SORBS3: variants seen among roughly 807,000 people sequenced by gnomAD.
SORBS3 encodes the protein vinexin.
In SORBS3, 69 loss-of-function variants were observed where a neutral mutation model predicts 98.0. The observed-to-expected ratio is 0.70, with a 90% CI of 0.58 to 0.86. SORBS3 has a LOEUF of 0.86. Ranked by LOEUF, SORBS3 falls within the 40% of genes least tolerant of loss-of-function variation. The probability of loss-of-function intolerance (pLI) is 0.00; values close to 1 mark genes in which losing one functional copy is unlikely to be tolerated. For missense variants in SORBS3, 954 were observed against 908.5 expected, an observed-to-expected ratio of 1.05 and a Z score of -0.64; for synonymous variants, 394 against 355.4, an observed-to-expected ratio of 1.11 and a Z score of -1.22.
intron 5 of SORBS3, among the ~76,000 whole-genome samples, chr8:22,558,952 A>T (rs1840240170): frequency 6.6e-6 from 1 of 152,344 alleles, no homozygotes; most frequent in Non-Finnish European, 1.5e-5. Flanking sequence ...GCCTGGAGCG[A>T]GGAGCATGTG....
At position 22,574,687 on chromosome 8, in the gene SORBS3, A is replaced by G; in HGVS notation, c.1975A>G (p.Lys659Glu). ...WFVGVSRRTQKFGTFPGNYVA... is the reference protein window; with the variant it reads ...WFVGVSRRTQEFGTFPGNYVA... ...TTCAGGTGTCTCCCGGAGGACCCAG[A>G]AATTCGGAACGTTCCCTGGAAATTA... Residue 659 changes from lysine to glutamate, a missense_variant, in exon 21 of 21, where the codon AAA (lysine) becomes GAA (glutamate). By Grantham distance (56) the Lys-to-Glu change is moderately conservative. Transcript: ENST00000240123. The G allele has an allele frequency of 6.2e-7, 1 of 1,611,962 alleles. No homozygotes were observed. Among genetic ancestry groups the G allele is most frequent in the South Asian group, 1.1e-5 (1 of 91,034 alleles).
At chr8:22,571,254 C>T (rs199697003) in intron 18 of SORBS3, 33 bp downstream of exon 18, 160 of 1,331,352 alleles carry the variant, frequency 1.2e-4, no homozygotes, top group East Asian at 3.0e-4. Flanking sequence ...GAGAGTCGAC[C>T]TCCTCCTCAC....
At chr8:22,565,641 G>A in intron 11 of SORBS3, 185 bp from the exon 12 acceptor site, 2 of 1,157,850 alleles carry the variant, frequency 1.7e-6, no homozygotes, top group African/African-American at 1.6e-5. Context: ...CCCAGCCTCG[G>A]GGACCCCCGC....
intron 20 of SORBS3, among the ~76,000 whole-genome samples, chr8:22,574,396 G>T (rs1479431454): frequency 1.0e-5 from 1 of 95,456 alleles, no homozygotes; most frequent in South Asian, 3.6e-4. Context: ...TTGCGGAGGA[G>T]GGGGGGAGTG....
At chr8:22,566,002 T>C in intron 12 of SORBS3, 130 bp downstream of exon 12, 1 of 645,602 alleles carries the variant, frequency 1.5e-6, no homozygotes, top group Non-Finnish European at 2.2e-6. Context: ...CGCAGAGCCG[T>C]GTCCGGGAGG....
At chr8:22,565,655 T>A in intron 11 of SORBS3, 171 bp from the exon 12 acceptor site, 1 of 1,145,918 alleles carries the variant, frequency 8.7e-7, no homozygotes, top group Non-Finnish European at 1.1e-6. Context: ...CCCCCGCCCC[T>A]TCCCCTAGTT....
At position 22,569,185 on chromosome 8, in the gene SORBS3, C is replaced by T. The variant is rs753823342; in HGVS notation, c.1343C>T (p.Pro448Leu). ...PADEIPKPIKPPTYQVLEYGE... is the reference protein window; with the variant it reads ...PADEIPKPIKLPTYQVLEYGE... Reference sequence around the variant, plus strand: ...GATGAGATCCCTAAGCCCATCAAGCCCCCGACCTACCAGGTGCTGGAGTAT... The same window carrying T: ...GATGAGATCCCTAAGCCCATCAAGCTCCCGACCTACCAGGTGCTGGAGTAT... Residue 448 changes from proline to leucine, a missense_variant, in exon 17 of 21, where the codon CCC (proline) becomes CTC (leucine). Transcript: ENST00000240123. 5 of 1,611,246 alleles carry T rather than the reference C, an allele frequency of 3.1e-6. No homozygotes were observed. Among genetic ancestry groups the T allele is most frequent in the Admixed American group, 1.7e-5 (1 of 59,682 alleles).
At chr8:22,563,300 A>G (rs1452406978) in intron 7 of SORBS3, among the ~76,000 whole-genome samples, 2 of 152,296 alleles carry the variant, frequency 1.3e-5, no homozygotes, top group African/African-American at 4.8e-5. Flanking sequence ...GAAACTTTCA[A>G]ACAGAGGCTG....
At chr8:22,565,907 T>C (rs1840403414) in intron 12 of SORBS3, 35 bp downstream of exon 12, 8 of 1,217,938 alleles carry the variant, frequency 6.6e-6, no homozygotes, top group South Asian at 3.3e-5. Flanking sequence ...AAGGGGGCTG[T>C]CCCAGGCCGG....
intron 11 of SORBS3, 112 bp from the exon 12 acceptor site, chr8:22,565,714 G>A (rs1021936557): frequency 3.2e-6 from 4 of 1,231,872 alleles, no homozygotes; most frequent in East Asian, 6.8e-5. Context: ...AGGACCCCGC[G>A]TCCCGCCCGC....
In SORBS3 at chr8:22,561,899, C is replaced by G. The variant is rs1220130655; in HGVS notation, c.552C>G (p.Ala184=). 6.2e-7 allele frequency: 1 copy of G among 1,614,040 alleles called. No individual in the cohort carries two copies. Among genetic ancestry groups the G allele is most frequent in the African/African-American group, 1.3e-5 (1 of 74,942 alleles). The stretch of plus-strand genomic sequence containing the variant: ...ATCTAGGAGCCCAGCAAAGACCTGC[C>G]CACAGGCCCGGCCCGGCAACATCTT... The part of the protein sequence containing the change: ...PRHLGAQQRP[A]HRPGPATSSS... Residue 184 remains alanine, a synonymous_variant, in exon 7 of 21, where the codon GCC becomes GCG. Coordinates refer to ENST00000240123, the MANE Select transcript of SORBS3 (RefSeq NM_005775.5).
chr8:22,567,864 G>C (rs77153599), intron 16 of SORBS3, among the ~76,000 whole-genome samples: 1 of 116,554 alleles, frequency 8.6e-6, no homozygotes, highest in Non-Finnish European at 1.8e-5. Context: ...TTTTTTTTTG[G>C]AGAGACAGAG....
chr8:22,563,060 A>G (rs1055938140), intron 7 of SORBS3, among the ~76,000 whole-genome samples: 1 of 152,040 alleles, frequency 6.6e-6, no homozygotes, highest in African/African-American at 2.4e-5. Flanking sequence ...CGGAGCTTGC[A>G]GTGAGCCGGG....
Position 22,556,558 on chromosome 8 carries a change from C to G in SORBS3, c.221-157C>G, listed in dbSNP as rs796837398. ...ATCCATTTAAATTCACTTAAACAAA[C>G]AGAGGCCCGTGGTGCTCTGAGTCAT... On this transcript the variant is annotated intron_variant, in intron 3 of 20. Coordinates refer to ENST00000240123, the MANE Select transcript of SORBS3 (RefSeq NM_005775.5). 4.2e-5 allele frequency: 27 copies of G among 645,750 alleles called. No homozygotes were observed. The South Asian group carries it at 4.8e-4, about 11-fold the overall frequency. The allele number at this position is 645,750 out of a possible 1,614,324, so 40.0% of individuals were successfully genotyped here.
At position 22,571,986 on chromosome 8, in the gene SORBS3, G is replaced by T. The variant is rs368914024; in HGVS notation, c.1847+165G>T. Among the ~76,000 whole-genome samples, 3 of 152,340 alleles carry T rather than the reference G, an allele frequency of 2.0e-5. No homozygotes were observed. The East Asian group carries it at 5.8e-4, about 29-fold the overall frequency. Reference sequence around the variant, plus strand: ...TGGTGATTTGGGGCAGGGAGGAGGCGCTGGTCTGTGATGTTCCCAATCCCT... The same window carrying T: ...TGGTGATTTGGGGCAGGGAGGAGGCTCTGGTCTGTGATGTTCCCAATCCCT... On this transcript the variant is annotated intron_variant, in intron 19 of 20. Transcript: ENST00000240123.
At position 22,572,431 on chromosome 8, in the gene SORBS3, G is replaced by A. The variant is rs764475933; in HGVS notation, c.1939G>A (p.Asp647Asn). The stretch of plus-strand genomic sequence containing the variant: ...GGTGGATGTCATGCAGCAGTGTGAC[G>A]ATGGCTGGTTTGTGGGTATGTGGGC... ...DRVDVMQQCD[D>N]GWFVGVSRRT... Residue 647 changes from aspartate to asparagine, a missense_variant, in exon 20 of 21, where the codon GAT (aspartate) becomes AAT (asparagine). By Grantham distance (23) the Asp-to-Asn change is conservative. Coordinates refer to ENST00000240123, the MANE Select transcript of SORBS3 (RefSeq NM_005775.5). 10 of 1,613,590 alleles carry A rather than the reference G, an allele frequency of 6.2e-6. No homozygotes were observed. Among genetic ancestry groups the A allele is most frequent in the Middle Eastern group, 1.7e-4 (1 of 6,060 alleles).
rs141456529 is a variant in SORBS3, at chr8:22,571,726, C to T, written c.1752C>T (p.Gly584=). 7 of 1,613,346 alleles carry T rather than the reference C, an allele frequency of 4.3e-6. No individual in the cohort carries two copies. In the African/African-American group the frequency reaches 9.3e-5, roughly 22 times the overall value. ...QEPRPQTQNL[G]TPGPALSHSR... The stretch of plus-strand genomic sequence containing the variant: ...TTCCTGTCAACTCCCAGAATCTTGG[C>T]ACCCCTGGTCCAGCTCTGTCCCACT... Residue 584 remains glycine (G), a synonymous_variant, in exon 19 of 21, where the codon GGC becomes GGT. Coordinates refer to ENST00000240123, the MANE Select transcript of SORBS3 (RefSeq NM_005775.5).
At chr8:22,566,194 G>T (rs984897248) in intron 12 of SORBS3, 151 bp from the exon 13 acceptor site, 45 of 1,040,814 alleles carry the variant, frequency 4.3e-5, no homozygotes, top group Non-Finnish European at 4.4e-5. Context: ...GACTCGGGAA[G>T]TAGGACATCC....
At chr8:22,551,853 C>A (rs1030272443), upstream of SORBS3, 1 of 985,290 alleles carries the variant, frequency 1.0e-6, no homozygotes, top group African/African-American at 1.7e-5. The surrounding 1 kb of genome is among the most constrained non-coding windows in gnomAD (Gnocchi z 5.8). Context: ...CCTCTTCCTG[C>A]GCCGGCGCCC....
Sources: gnomAD v4.1 joint callset for allele counts (sites outside exome capture counted in the v4.1 genomes callset) on GRCh38, gnomAD v4.1.1 for gene constraint, Gnocchi (gnomAD v3.1) non-coding constraint, MANE v1.5 for transcripts, NCBI Gene and HGNC (gene_info 2026-07-23, HGNC 2026-07-21) for gene names.